The following SLC26A8 variants were observed in gnomAD, a reference collection of about 807,000 sequenced individuals.
SLC26A8 encodes the protein testis anion transporter 1.
Under a neutral mutation model 105.0 loss-of-function variants are expected in SLC26A8, and 70 were observed. That is an observed-to-expected ratio of 0.67 (90% CI 0.55 to 0.81). The LOEUF (loss-of-function observed/expected upper bound fraction) is 0.81. Ranked by LOEUF, SLC26A8 falls within the 40% of genes least tolerant of loss-of-function variation. The pLI is 0.00. For missense variants in SLC26A8, 998 were observed against 1,181.8 expected, an observed-to-expected ratio of 0.84 and a Z score of 2.28; for synonymous variants, 415 against 438.3, an observed-to-expected ratio of 0.95 and a Z score of 0.66.
intron 11 of SLC26A8, among the ~76,000 whole-genome samples, chr6:35,965,834 T>C (rs1181134763): frequency 2.7e-5 from 4 of 150,010 alleles, no homozygotes; most frequent in African/African-American, 9.8e-5. Flanking sequence ...CTACTAAAAA[T>C]GCAAAAATTA....
In SLC26A8 at chr6:35,977,278, C is replaced by G; in HGVS notation, c.1099G>C (p.Val367Leu). The G allele has an allele frequency of 6.2e-7, 1 of 1,613,842 alleles. No individual in the cohort carries two copies. The highest frequency in any genetic ancestry group is 8.5e-7 in the Non-Finnish European group (1 of 1,179,930). ...AGAAATATGAGCAGAAAGGAGCTCA[C>G]CAAAGATAAGGAGAAGGCTTGTAAA... ...IILQAFSLSL[V>L]SSFLLIFLGK... is the part of the protein sequence containing the mutation. The change falls in exon 9 of 20, where the codon GTG becomes CTG. Residue 367 changes from valine (V) to leucine (L), a missense_variant. Coordinates refer to ENST00000490799, the MANE Select transcript of SLC26A8 (RefSeq NM_052961.4).
chr6:35,999,950 G>A (rs957363981), intron 4 of SLC26A8, 42 bp downstream of exon 4: 1 of 1,353,102 alleles, frequency 7.4e-7, no homozygotes, highest in Non-Finnish European at 1.1e-6. Context: ...GATCAAGATG[G>A]AAACTTCATC....
intron 11 of SLC26A8, among the ~76,000 whole-genome samples, chr6:35,968,605 GTGTGTATATATATATATATA>G (rs1208449737): frequency 9.3e-4 from 50 of 53,862 alleles, no homozygotes; most frequent in African/African-American, 3.6e-3. Context: ...GTGTGTGTGT[GTGTGTATATATATATATATA>G]TATATATATA....
intron 14 of SLC26A8, 87 bp downstream of exon 14, chr6:35,960,756 G>T: frequency 7.8e-7 from 1 of 1,284,426 alleles, no homozygotes; most frequent in Non-Finnish European, 1.1e-6. Context: ...AGGAAACAAT[G>T]GCAAGGGATT....
chr6:35,992,139 C>T (rs1181835254), intron 6 of SLC26A8, among the ~76,000 whole-genome samples: 1 of 152,156 alleles, frequency 6.6e-6, no homozygotes, highest in African/African-American at 2.4e-5. Context: ...CCTATTCTTA[C>T]ATTTAGGAAC....
intron 3 of SLC26A8, 140 bp from the exon 4 acceptor site, chr6:36,000,248 T>C: frequency 1.6e-6 from 1 of 612,594 alleles, no homozygotes; most frequent in Non-Finnish European, 2.9e-6. Context: ...GGACATACAA[T>C]CCTTCATTAG....
intron 16 of SLC26A8, among the ~76,000 whole-genome samples, chr6:35,956,841 C>A (rs1046585141): frequency 6.6e-6 from 1 of 151,648 alleles, no homozygotes; most frequent in Non-Finnish European, 1.5e-5. Context: ...ATCGCTTGAA[C>A]CCAGAAGGCA....
Position 35,959,732 on chromosome 6 carries a change from C to T in SLC26A8, c.1713G>A (p.Lys571=). The change falls in exon 15 of 20, where the codon AAG becomes AAA. Residue 571 remains lysine (K), a synonymous_variant. Coordinates refer to ENST00000490799, the MANE Select transcript of SLC26A8 (RefSeq NM_052961.4). ...SITFVNVYYL[K]HKLLKEVDMV... ...CAGATACCTCTTTTAACAGCTTATG[C>T]TTTAGGTAGTAAACATTTACAAATG... The T allele has an allele frequency of 1.2e-6, 2 of 1,610,208 alleles. No individual in the cohort carries two copies. The highest frequency in any genetic ancestry group is 8.5e-7 in the Non-Finnish European group (1 of 1,179,188).
intron 16 of SLC26A8, among the ~76,000 whole-genome samples, chr6:35,959,012 A>G (rs953571226): frequency 1.3e-5 from 2 of 152,076 alleles, no homozygotes; most frequent in Non-Finnish European, 2.9e-5. Context: ...TTTCTTGGCC[A>G]TAGGAAGACA....
intron 11 of SLC26A8, among the ~76,000 whole-genome samples, chr6:35,966,931 T>A (rs1440601865): frequency 6.6e-6 from 1 of 152,238 alleles, no homozygotes; most frequent in African/African-American, 2.4e-5. Flanking sequence ...CAGTGAACTC[T>A]GATAATTTTT....
intron 10 of SLC26A8, 118 bp from the exon 11 acceptor site, chr6:35,969,072 A>G: frequency 1.3e-6 from 1 of 788,810 alleles, no homozygotes; most frequent in South Asian, 1.6e-5. Context: ...AGTTGAGTTC[A>G]GTCCAAGTGT....
At chr6:36,022,899 A>G (rs1762160746) in intron 1 of SLC26A8, among the ~76,000 whole-genome samples, 1 of 150,660 alleles carries the variant, frequency 6.6e-6, no homozygotes, top group African/African-American at 2.4e-5. Flanking sequence ...AGCAAGACCT[A>G]CTGAATCAGA....
intron 3 of SLC26A8, among the ~76,000 whole-genome samples, chr6:36,011,035 C>T (rs886201917): frequency 2.0e-5 from 3 of 152,206 alleles, no homozygotes; most frequent in Non-Finnish European, 2.9e-5. Flanking sequence ...CTATCCACAA[C>T]CTGCCCGATC....
intron 1 of SLC26A8, among the ~76,000 whole-genome samples, chr6:36,023,587 A>G (rs1361999359): frequency 6.6e-6 from 1 of 151,310 alleles, no homozygotes; most frequent in Non-Finnish European, 1.5e-5. Flanking sequence ...TAAAAAGTTT[A>G]AATACAATCC....
At chr6:36,012,163 G>T in intron 3 of SLC26A8, 70 bp downstream of exon 3, 1 of 1,553,696 alleles carries the variant, frequency 6.4e-7, no homozygotes, top group South Asian at 1.2e-5. Context: ...ACAAGTAATT[G>T]TTTACCCTGG....
At chr6:36,012,049 C>T (rs1490400441) in intron 3 of SLC26A8, among the ~76,000 whole-genome samples, 184 bp downstream of exon 3, 1 of 152,088 alleles carries the variant, frequency 6.6e-6, no homozygotes, top group Non-Finnish European at 1.5e-5. Flanking sequence ...TAAAGTAAAC[C>T]AAGTCTTTTG....
rs1475388356 is a variant in SLC26A8, at chr6:36,000,217, GA to G, written c.329-110del. ...AAATCATCCATGTGTATAGCTGACT[GA>G]GTGTGGTAATAGTATTTCTGGACAT... On this transcript the variant is annotated intron_variant, in intron 3 of 19. Coordinates refer to ENST00000490799, the MANE Select transcript of SLC26A8 (RefSeq NM_052961.4). 5.9e-6 allele frequency: 4 copies of G among 683,630 alleles called. No individual in the cohort carries two copies. In the African/African-American group the frequency reaches 7.2e-5, roughly 12 times the overall value. 42.3% of individuals were successfully genotyped at this position (683,630 alleles called of 1,614,324 possible).
intron 7 of SLC26A8, chr6:35,989,649 A>C (rs1053705213): frequency 1.3e-5 from 2 of 152,186 alleles, no homozygotes; most frequent in African/African-American, 4.8e-5. Flanking sequence ...AGTCAAAATG[A>C]AGTGTTTTGT....
chr6:35,962,745 T>C, intron 11 of SLC26A8, 124 bp from the exon 12 acceptor site: 6 of 743,108 alleles, frequency 8.1e-6, no homozygotes, highest in Non-Finnish European at 1.4e-5. Flanking sequence ...ATATTTTATA[T>C]GAATACCATG....
Sources: gnomAD v4.1 joint callset for allele counts (sites outside exome capture counted in the v4.1 genomes callset) on GRCh38, gnomAD v4.1.1 for gene constraint, MANE v1.5 for transcripts, NCBI Gene and HGNC (gene_info 2026-07-23, HGNC 2026-07-21) for gene names.